Variants in NHSL2 observed in about 807,000 individuals in gnomAD.
The protein encoded by NHSL2 is NHS-like protein 2.
A neutral mutation model predicts 53.4 loss-of-function variants in NHSL2; 27 were observed. The ratio of observed to expected loss-of-function variants is 0.51; its 90% confidence interval spans 0.37 to 0.70. The LOEUF (loss-of-function observed/expected upper bound fraction) is 0.70. Ranked by LOEUF, NHSL2 falls within the 30% of genes least tolerant of loss-of-function variation. The pLI is 0.00. For synonymous variants in NHSL2, 408 were observed against 404.1 expected (o/e 1.01, Z -0.12); for missense variants, 892 against 980.1 (o/e 0.91, Z 1.20).
At chrX:72,109,376 G>C (rs1026373296) in intron 1 of NHSL2, among the ~76,000 whole-genome samples, 1 of 112,213 alleles carries the variant, frequency 8.9e-6, no homozygotes, top group Non-Finnish European at 1.9e-5. Context: ...GGCTTAGGAA[G>C]AAACAGAGCT....
chrX:72,045,514 G>A (rs180746987), intron 1 of NHSL2, among the ~76,000 whole-genome samples: 1,181 of 111,438 alleles, frequency 0.011, 15 homozygotes, highest in African/African-American at 0.037. Context: ...GGAGGCCCCC[G>A]TGGCCTCTGG....
chrX:71,932,610 A>G (rs2041719141), intron 1 of NHSL2, among the ~76,000 whole-genome samples: 1 of 111,561 alleles, frequency 9.0e-6, no homozygotes, highest in South Asian at 3.8e-4. Flanking sequence ...TGCAAGAGAA[A>G]TGGAGGAGGT....
chrX:71,916,091 A>G (rs984910403), intron 1 of NHSL2, among the ~76,000 whole-genome samples: 5 of 111,838 alleles, frequency 4.5e-5, no homozygotes, highest in Non-Finnish European at 7.5e-5. Context: ...GTGGCTGGCC[A>G]GTGACCCTGA....
chrX:72,051,558 C>T (rs900552676), intron 1 of NHSL2, among the ~76,000 whole-genome samples: 1 of 111,381 alleles, frequency 9.0e-6, no homozygotes, highest in Non-Finnish European at 1.9e-5. Flanking sequence ...AGGTGATCAT[C>T]TCCTATCCAG....
In NHSL2 at chrX:71,914,585, G is replaced by A. The variant is rs5991876; in HGVS notation, c.280+3218G>A. On this transcript the variant is annotated intron_variant, in intron 1 of 7. Coordinates refer to ENST00000633930, the MANE Select transcript of NHSL2 (RefSeq NM_001013627.3). ...GGCTTGAATACAGCCAGTTGGGTCC[G>A]TGGTGAAAACTCCCTCTTCATCTTT... is the stretch of plus-strand genomic sequence containing the variant. Among the ~76,000 whole-genome samples the A allele has an allele frequency of 2.6e-3, 287 of 112,061 alleles. 2 individuals carry two copies. Among genetic ancestry groups the A allele is most frequent in the African/African-American group, 8.7e-3 (270 of 30,860 alleles).
chrX:72,123,687 C>T (rs776838652), intron 1 of NHSL2, among the ~76,000 whole-genome samples: 150 of 112,405 alleles, frequency 1.3e-3, no homozygotes, highest in African/African-American at 4.5e-3. Flanking sequence ...TCCTACAAGG[C>T]AAGGCTTCCC....
At chrX:71,950,441 A>G (rs1221123995) in intron 1 of NHSL2, among the ~76,000 whole-genome samples, 1 of 112,635 alleles carries the variant, frequency 8.9e-6, no homozygotes, top group African/African-American at 3.2e-5. Flanking sequence ...CTGGAAAAAA[A>G]GCAGAGTGAG....
At chrX:72,049,531 T>C (rs1254316083) in intron 1 of NHSL2, among the ~76,000 whole-genome samples, 1 of 110,064 alleles carries the variant, frequency 9.1e-6, no homozygotes, top group Admixed American at 9.7e-5. Flanking sequence ...TTATTCTCTC[T>C]GGTGTCCATT....
chrX:72,141,752 T>C (rs186158447), intron 6 of NHSL2, among the ~76,000 whole-genome samples: 1 of 112,470 alleles, frequency 8.9e-6, no homozygotes, highest in East Asian at 2.8e-4. Context: ...TCTCATGGCC[T>C]TCTATATGCA....
At chrX:71,953,187 G>A (rs2041828593) in intron 1 of NHSL2, among the ~76,000 whole-genome samples, 1 of 111,073 alleles carries the variant, frequency 9.0e-6, no homozygotes, top group East Asian at 2.9e-4. Context: ...GGGCCCTCTG[G>A]CTCTAAACCT....
intron 1 of NHSL2, among the ~76,000 whole-genome samples, chrX:72,115,256 C>T (rs1409352079): frequency 9.1e-6 from 1 of 110,107 alleles, no homozygotes. Context: ...TCTCCATGTC[C>T]GGCAATCAAT....
At chrX:72,095,267 G>A (rs1315280093) in intron 1 of NHSL2, among the ~76,000 whole-genome samples, 9 of 112,560 alleles carry the variant, frequency 8.0e-5, no homozygotes, top group Non-Finnish European at 1.5e-4. Context: ...AACAAGAAAT[G>A]TAGATGGAAA....
intron 1 of NHSL2, among the ~76,000 whole-genome samples, chrX:71,916,012 G>T (rs1324951922): frequency 2.7e-5 from 3 of 111,911 alleles, no homozygotes; most frequent in Non-Finnish European, 5.6e-5. Context: ...AGGCTCTCTT[G>T]TTAAAGCAAA....
chrX:71,952,908 C>G (rs1173074125), intron 1 of NHSL2, among the ~76,000 whole-genome samples: 1 of 111,954 alleles, frequency 8.9e-6, no homozygotes, highest in Non-Finnish European at 1.9e-5. Context: ...TCAAATACTA[C>G]AGGACAGCAA....
chrX:71,961,671 G>T (rs1050639854), intron 1 of NHSL2, among the ~76,000 whole-genome samples: 1 of 110,726 alleles, frequency 9.0e-6, no homozygotes, highest in African/African-American at 3.3e-5. Flanking sequence ...TTTTTTGTTT[G>T]ATTTTTGTTT....
At chrX:71,985,971 CAAAG>C (rs756069073) in intron 1 of NHSL2, among the ~76,000 whole-genome samples, 2 of 111,767 alleles carry the variant, frequency 1.8e-5, no homozygotes, top group South Asian at 3.7e-4. Flanking sequence ...ACATGATTGA[CAAAG>C]AAATTTGGTT....
intron 1 of NHSL2, among the ~76,000 whole-genome samples, chrX:72,096,433 C>T (rs920442928): frequency 1.8e-5 from 2 of 111,924 alleles, no homozygotes; most frequent in Non-Finnish European, 3.8e-5. Flanking sequence ...CTTATCTCGC[C>T]TCTGTAGAGC....
chrX:71,975,994 A>G (rs1056691813), intron 1 of NHSL2, among the ~76,000 whole-genome samples: 3 of 111,636 alleles, frequency 2.7e-5, no homozygotes, highest in Non-Finnish European at 5.7e-5. Context: ...TAACTCCCCT[A>G]TCTCCCACAT....
chrX:71,947,542 A>C (rs1317491846), intron 1 of NHSL2, among the ~76,000 whole-genome samples: 14 of 112,118 alleles, frequency 1.2e-4, no homozygotes, highest in Non-Finnish European at 2.4e-4. Context: ...TTTGAAGAGG[A>C]AAAGGAAGTA....
Sources: allele counts gnomAD v4.1 joint callset (sites outside exome capture counted in the v4.1 genomes callset), GRCh38; gene constraint gnomAD v4.1.1; transcripts MANE v1.5; gene names NCBI Gene and HGNC (gene_info 2026-07-23, HGNC 2026-07-21).